Variants in WDR27 observed in about 807,000 individuals in gnomAD.
WDR27 encodes WD repeat domain 27.
Under a neutral mutation model 114.4 loss-of-function variants are expected in WDR27, and 100 were observed. The ratio of observed to expected loss-of-function variants is 0.87; its 90% CI spans 0.74 to 1.03. The LOEUF (loss-of-function observed/expected upper bound fraction) is 1.03. Ranked by LOEUF, WDR27 falls within the 50% of genes least tolerant of loss-of-function variation. WDR27 has a pLI of 0.00. For synonymous variants in WDR27, 449 were observed against 423.1 expected (o/e 1.06, Z -0.75); for missense variants, 1,129 against 1,092.9 (o/e 1.03, Z -0.47).
In WDR27 at chr6:169,652,962, G is replaced by A. The variant is rs188509688; in HGVS notation, c.1403-954C>T. Among the ~76,000 whole-genome samples, 289 of 149,164 alleles carry A rather than the reference G, an allele frequency of 1.9e-3. 1 individual carries two copies. The highest frequency in any genetic ancestry group is 6.9e-3 in the African/African-American group (278 of 40,256). On this transcript the variant is annotated intron_variant, in intron 13 of 25. Coordinates refer to ENST00000448612, the MANE Select transcript of WDR27 (RefSeq NM_182552.5). The stretch of plus-strand genomic sequence containing the variant: ...AAATGAAGCGTATGTAAGAAGAAAA[G>A]CTAAAGAAACAAACATGTTAAGTTT...
At chr6:169,491,388 A>AT (rs1203700066) in intron 25 of WDR27, among the ~76,000 whole-genome samples, 1 of 152,136 alleles carries the variant, frequency 6.6e-6, no homozygotes, top group Non-Finnish European at 1.5e-5. Flanking sequence ...AAATTCCAAA[A>AT]TTTTAACCTC....
At chr6:169,700,450 A>T (rs1787606363) in intron 1 of WDR27, among the ~76,000 whole-genome samples, 1 of 152,180 alleles carries the variant, frequency 6.6e-6, no homozygotes, top group Non-Finnish European at 1.5e-5. Context: ...GAACTAAACT[A>T]CACTCCCTAG....
intron 24 of WDR27, among the ~76,000 whole-genome samples, chr6:169,577,452 G>A (rs1269013787): frequency 1.3e-5 from 2 of 152,220 alleles, no homozygotes; most frequent in Admixed American, 1.3e-4. Context: ...GAGACGGGGA[G>A]ATGGTTCTGG....
chr6:169,610,572 G>C (rs1255316479), intron 22 of WDR27, among the ~76,000 whole-genome samples: 1 of 152,126 alleles, frequency 6.6e-6, no homozygotes, highest in African/African-American at 2.4e-5. Context: ...ATCTCCCACT[G>C]GGTCCCTCCC....
the WDR27 span, among the ~76,000 whole-genome samples, chr6:169,450,073 A>G: frequency 0.017 from 2,587 of 152,288 alleles, 72 homozygotes; most frequent in African/African-American, 0.059. Context: ...AATTATACCA[A>G]TGAAATTAGA....
intron 25 of WDR27, among the ~76,000 whole-genome samples, chr6:169,488,374 T>G (rs1190622055): frequency 1.3e-5 from 2 of 152,208 alleles, no homozygotes; most frequent in African/African-American, 4.8e-5. Context: ...TTCAGCCTCA[T>G]CCATCAAAAG....
intron 1 of WDR27, among the ~76,000 whole-genome samples, chr6:169,692,057 G>C (rs1215271449): frequency 7.4e-6 from 1 of 134,770 alleles, no homozygotes; most frequent in Non-Finnish European, 1.5e-5. Flanking sequence ...AATGTGAGAG[G>C]GGGGAAAACT....
chr6:169,694,552 A>G (rs1283240640), intron 1 of WDR27, among the ~76,000 whole-genome samples: 1 of 152,268 alleles, frequency 6.6e-6, no homozygotes, highest in Non-Finnish European at 1.5e-5. Flanking sequence ...AGTGGAATAC[A>G]ATGCAGATGT....
intron 1 of WDR27, among the ~76,000 whole-genome samples, chr6:169,689,839 T>C (rs950925787): frequency 6.6e-6 from 1 of 152,250 alleles, no homozygotes; most frequent in Admixed American, 6.5e-5. Flanking sequence ...TCATGCACGC[T>C]GTAGGTATTC....
intron 25 of WDR27, among the ~76,000 whole-genome samples, chr6:169,550,934 T>G (rs2128102831): frequency 6.6e-6 from 1 of 152,318 alleles, no homozygotes; most frequent in Non-Finnish European, 1.5e-5. Context: ...CAAGCTGGTC[T>G]TGAACTCCTG....
At chr6:169,518,552 T>TGTTCCAAGACTGCACA (rs1395646838) in intron 25 of WDR27, among the ~76,000 whole-genome samples, 11 of 152,390 alleles carry the variant, frequency 7.2e-5, no homozygotes, top group Admixed American at 2.0e-4. Flanking sequence ...CAGGCAGCAC[T>TGTTCCAAGACTGCACA]GTTCCAAGAC....
intron 25 of WDR27, among the ~76,000 whole-genome samples, chr6:169,468,465 G>C (rs73236906): frequency 0.024 from 3,648 of 152,260 alleles, 142 homozygotes; most frequent in African/African-American, 0.083. Flanking sequence ...TGAGAAAAAG[G>C]GGGAAATCCC....
At chr6:169,621,359 C>CACACACATGCACACATGCCTATACAT (rs1813133672) in intron 21 of WDR27, among the ~76,000 whole-genome samples, 3 of 151,548 alleles carry the variant, frequency 2.0e-5, no homozygotes, top group Non-Finnish European at 4.4e-5. Flanking sequence ...TGTAGACATA[C>CACACACATGCACACATGCCTATACAT]GCACACATGC....
chr6:169,456,358 A>C (rs1169091859), downstream of WDR27, among the ~76,000 whole-genome samples: 2 of 152,022 alleles, frequency 1.3e-5, no homozygotes, highest in South Asian at 2.1e-4. The surrounding 1 kb of genome is among the most constrained non-coding windows in gnomAD (Gnocchi z 4.0). Context: ...TTGTGAAAAT[A>C]GAGACAAGTG....
intron 25 of WDR27, among the ~76,000 whole-genome samples, chr6:169,550,196 TA>T (rs1221408942): frequency 2.0e-5 from 3 of 152,222 alleles, no homozygotes; most frequent in African/African-American, 4.8e-5. Context: ...AGAATTTGTT[TA>T]AGTAAACTTT....
At chr6:169,628,876 G>C (rs1815576488) in intron 21 of WDR27, among the ~76,000 whole-genome samples, 1 of 152,110 alleles carries the variant, frequency 6.6e-6, no homozygotes, top group Non-Finnish European at 1.5e-5. Context: ...AACTGTGTGA[G>C]AGTAGTTGCA....
chr6:169,641,445 T>A (rs1208421651), intron 17 of WDR27, among the ~76,000 whole-genome samples: 2 of 152,090 alleles, frequency 1.3e-5, no homozygotes, highest in Middle Eastern at 3.2e-3. Flanking sequence ...TTGGCCAGTT[T>A]CCCCTGTGGT....
chr6:169,444,231 T>C, the WDR27 span, among the ~76,000 whole-genome samples: 87,730 of 152,064 alleles, frequency 0.58, 27,980 homozygotes, highest in East Asian at 0.98. Flanking sequence ...GTGAGTCTGC[T>C]ACCCACTCCA....
chr6:169,534,892 T>C (rs1796038308), intron 25 of WDR27, among the ~76,000 whole-genome samples: 1 of 151,962 alleles, frequency 6.6e-6, no homozygotes, highest in African/African-American at 2.4e-5. Context: ...AACTTATTTA[T>C]ACTTAAGAAC....
Sources: allele counts gnomAD v4.1 joint callset (sites outside exome capture counted in the v4.1 genomes callset), GRCh38; gene constraint gnomAD v4.1.1; non-coding constraint Gnocchi (gnomAD v3.1); transcripts MANE v1.5; gene names NCBI Gene and HGNC (gene_info 2026-07-23, HGNC 2026-07-21).